Variants in CSMD1 observed in about 807,000 individuals in gnomAD.
The protein encoded by CSMD1 is CUB and sushi domain-containing protein 1.
Under a neutral mutation model 417.5 loss-of-function variants are expected in CSMD1, and 213 were observed. The observed-to-expected ratio is 0.51, with a 90% CI of 0.46 to 0.57. The LOEUF (loss-of-function observed/expected upper bound fraction) is 0.57. Among genes scored for constraint, CSMD1 ranks in the 20% least tolerant of loss-of-function variants. The pLI, the probability that CSMD1 is intolerant of heterozygous loss-of-function variation, is 0.00. For missense variants in CSMD1, 6,923 were observed against 4,529.7 expected (o/e 1.53, Z -15.17); for synonymous variants, 2,862 against 1,736.8 (o/e 1.65, Z -16.11).
intron 3 of CSMD1, among the ~76,000 whole-genome samples, chr8:4,152,342 G>T (rs187177954): frequency 7.9e-5 from 12 of 152,162 alleles, no homozygotes; most frequent in Admixed American, 2.6e-4. Context: ...CAGAAATCAG[G>T]TAGACACGTA....
intron 26 of CSMD1, among the ~76,000 whole-genome samples, chr8:3,265,141 T>A (rs1324250054): frequency 6.6e-6 from 1 of 152,074 alleles, no homozygotes; most frequent in Middle Eastern, 3.2e-3. Context: ...AGCAGAGATA[T>A]TAAAAATATT....
At chr8:3,385,333 ATTTT>A (rs1810940614) in intron 18 of CSMD1, among the ~76,000 whole-genome samples, 1 of 80,314 alleles carries the variant, frequency 1.2e-5, no homozygotes, top group Admixed American at 1.4e-4. Flanking sequence ...TTCCTGGATA[ATTTT>A]TTTGTGTTTT....
chr8:3,612,039 C>T (rs542089521), intron 8 of CSMD1, among the ~76,000 whole-genome samples: 33 of 152,104 alleles, frequency 2.2e-4, no homozygotes, highest in African/African-American at 7.7e-4. Context: ...ATATGTACAA[C>T]TGGATTTTTA....
intron 10 of CSMD1, among the ~76,000 whole-genome samples, chr8:3,571,816 C>G (rs1049983869): frequency 6.6e-6 from 1 of 152,122 alleles, no homozygotes; most frequent in Non-Finnish European, 1.5e-5. Context: ...ACCTTATCAT[C>G]TTTCATCTGA....
intron 1 of CSMD1, among the ~76,000 whole-genome samples, chr8:4,838,065 G>T (rs1320036880): frequency 1.3e-5 from 2 of 152,134 alleles, no homozygotes; most frequent in African/African-American, 4.8e-5. Context: ...GACCAGGAAG[G>T]GACATAGTGG....
intron 5 of CSMD1, among the ~76,000 whole-genome samples, chr8:3,990,858 C>G (rs934778788): frequency 6.6e-6 from 1 of 152,246 alleles, no homozygotes; most frequent in Middle Eastern, 3.4e-3. Flanking sequence ...GCAGCTGCCC[C>G]TTCACAGAGA....
intron 3 of CSMD1, among the ~76,000 whole-genome samples, chr8:4,147,544 T>C (rs981962313): frequency 6.6e-6 from 1 of 152,206 alleles, no homozygotes; most frequent in Non-Finnish European, 1.5e-5. Flanking sequence ...GCATTTTAAT[T>C]AGTCATGTAT....
chr8:4,004,294 G>T (rs1327474674), intron 4 of CSMD1, among the ~76,000 whole-genome samples: 2 of 151,996 alleles, frequency 1.3e-5, no homozygotes, highest in East Asian at 3.9e-4. Context: ...AATGAAACTT[G>T]GGAATTCTTA....
intron 7 of CSMD1, among the ~76,000 whole-genome samples, chr8:3,666,804 T>C (rs976755713): frequency 6.6e-6 from 1 of 151,926 alleles, no homozygotes; most frequent in African/African-American, 2.4e-5. Flanking sequence ...TGAGGCCTCC[T>C]CAGCCATGTG....
intron 10 of CSMD1, among the ~76,000 whole-genome samples, chr8:3,543,341 T>C (rs185525358): frequency 6.0e-4 from 91 of 152,284 alleles, no homozygotes; most frequent in African/African-American, 2.2e-3. Context: ...TCACTGGGGA[T>C]TTTGAGCAAA....
chr8:4,719,128 G>A (rs1808881531), intron 1 of CSMD1, among the ~76,000 whole-genome samples: 1 of 152,048 alleles, frequency 6.6e-6, no homozygotes, highest in Admixed American at 6.6e-5. Flanking sequence ...TGATGAACAA[G>A]AAACTAAAGA....
intron 3 of CSMD1, among the ~76,000 whole-genome samples, chr8:4,133,371 G>A (rs574818471): frequency 5.3e-5 from 8 of 152,284 alleles, no homozygotes; most frequent in African/African-American, 1.9e-4. Context: ...GCTTAATAAA[G>A]TGACACTTTA....
At chr8:4,804,147 C>CT (rs1316334705) in intron 1 of CSMD1, among the ~76,000 whole-genome samples, 1 of 152,068 alleles carries the variant, frequency 6.6e-6, no homozygotes, top group Non-Finnish European at 1.5e-5. Flanking sequence ...TACATCAAAA[C>CT]TAGATGCCCT....
At chr8:4,511,457 A>G (rs1802816313) in intron 2 of CSMD1, among the ~76,000 whole-genome samples, 1 of 152,208 alleles carries the variant, frequency 6.6e-6, no homozygotes, top group Non-Finnish European at 1.5e-5. Flanking sequence ...AGCAGAATAC[A>G]GTTTCTTCTG....
At chr8:4,112,889 T>A (rs1294978707) in intron 3 of CSMD1, among the ~76,000 whole-genome samples, 1 of 152,218 alleles carries the variant, frequency 6.6e-6, no homozygotes, top group Non-Finnish European at 1.5e-5. Flanking sequence ...CAACGTGGCA[T>A]CAAGCAAGTC....
At chr8:3,672,155 G>A (rs898835383) in intron 7 of CSMD1, among the ~76,000 whole-genome samples, 1 of 152,146 alleles carries the variant, frequency 6.6e-6, no homozygotes, top group Non-Finnish European at 1.5e-5. Context: ...GTTTTCTAGT[G>A]TGAAATCTCT....
intron 7 of CSMD1, among the ~76,000 whole-genome samples, chr8:3,662,011 G>A (rs748397548): frequency 6.6e-6 from 1 of 152,196 alleles, no homozygotes; most frequent in South Asian, 2.1e-4. Context: ...CTTGATGGAA[G>A]AAGCGGGGGA....
chr8:4,159,523 A>G (rs549199932), intron 3 of CSMD1, among the ~76,000 whole-genome samples: 6 of 152,326 alleles, frequency 3.9e-5, no homozygotes, highest in African/African-American at 1.4e-4. Context: ...ATATGATGGA[A>G]TACCACTCAG....
intron 3 of CSMD1, among the ~76,000 whole-genome samples, chr8:4,053,887 A>C (rs1426717277): frequency 6.6e-6 from 1 of 152,214 alleles, no homozygotes; most frequent in East Asian, 1.9e-4. Context: ...AGTTGCTATA[A>C]TTATCATAAA....
Sources: allele counts gnomAD v4.1 joint callset (sites outside exome capture counted in the v4.1 genomes callset), GRCh38; gene constraint gnomAD v4.1.1; transcripts MANE v1.5; gene names NCBI Gene and HGNC (gene_info 2026-07-23, HGNC 2026-07-21).